Variants in CAPN5 observed in about 807,000 individuals in gnomAD.
The protein encoded by CAPN5 is calpain-5.
In CAPN5, 54 loss-of-function variants were observed where a neutral mutation model predicts 73.0. The ratio of observed to expected loss-of-function variants is 0.74; its 90% CI spans 0.59 to 0.93. The LOEUF is 0.93. Among genes scored for constraint, CAPN5 ranks in the 40% least tolerant of loss-of-function variants. The probability of loss-of-function intolerance (pLI) is 0.00; values close to 1 mark genes in which losing one functional copy is unlikely to be tolerated. For synonymous variants in CAPN5, 335 were observed against 356.9 expected (o/e 0.94, Z 0.69); for missense variants, 785 against 882.9 (o/e 0.89, Z 1.41).
chr11:77,103,596 G>A (rs1950312851), intron 3 of CAPN5, among the ~76,000 whole-genome samples: 1 of 152,146 alleles, frequency 6.6e-6, no homozygotes, highest in Non-Finnish European at 1.5e-5. Context: ...GCCTACTAGG[G>A]GCCAGTGTGC....
At chr11:77,092,247 A>G (rs1284118055) in intron 2 of CAPN5, among the ~76,000 whole-genome samples, 3 of 152,194 alleles carry the variant, frequency 2.0e-5, no homozygotes, top group Non-Finnish European at 4.4e-5. Flanking sequence ...AAAAACCCCA[A>G]AATCCAACAA....
intron 1 of CAPN5, among the ~76,000 whole-genome samples, chr11:77,069,443 G>A (rs1321182346): frequency 6.6e-6 from 1 of 152,158 alleles, no homozygotes; most frequent in East Asian, 1.9e-4. Flanking sequence ...CTTGGCTTTA[G>A]TGGGTGAAGG....
intron 3 of CAPN5, among the ~76,000 whole-genome samples, chr11:77,100,597 G>A (rs782102119): frequency 2.0e-5 from 3 of 152,086 alleles, no homozygotes; most frequent in Non-Finnish European, 2.9e-5. Flanking sequence ...AGAAATAGGG[G>A]ATCCTCCTTC....
intron 1 of CAPN5, among the ~76,000 whole-genome samples, chr11:77,076,319 C>T (rs1249112896): frequency 3.3e-5 from 5 of 152,180 alleles, no homozygotes; most frequent in South Asian, 2.1e-4. Flanking sequence ...CACGCTACTG[C>T]GCTCCAGCCT....
At chr11:77,103,814 C>A (rs114927569) in intron 3 of CAPN5, among the ~76,000 whole-genome samples, 2 of 152,218 alleles carry the variant, frequency 1.3e-5, no homozygotes, top group Non-Finnish European at 2.9e-5. Flanking sequence ...TGCCCTTTGC[C>A]GGAGCCTGTG....
chr11:77,122,720 C>T lies in CAPN5; in HGVS notation c.1740+8C>T, dbSNP rs1555043129. ...CAGCCCATCACTGTACAGGTGAGCC[C>T]CCTGGTCCAGAGGCCACCTCCTGGG... On this transcript the variant is annotated splice_region_variant and intron_variant, in intron 12 of 12. Coordinates refer to ENST00000648180, the MANE Select transcript of CAPN5 (RefSeq NM_004055.5). 1 of 1,612,942 alleles carries T rather than the reference C, an allele frequency of 6.2e-7. No homozygotes were observed. Among genetic ancestry groups the T allele is most frequent in the African/African-American group, 1.3e-5 (1 of 75,018 alleles).
intron 3 of CAPN5, among the ~76,000 whole-genome samples, chr11:77,107,133 C>A (rs1397620501): frequency 1.3e-5 from 2 of 152,204 alleles, no homozygotes; most frequent in Non-Finnish European, 2.9e-5. Flanking sequence ...CCCAAGAAGG[C>A]AGGGGGTGCC....
chr11:77,107,336 C>T (rs1441610640), intron 3 of CAPN5, among the ~76,000 whole-genome samples: 1 of 152,206 alleles, frequency 6.6e-6, no homozygotes, highest in Non-Finnish European at 1.5e-5. Context: ...AGCCCCCATT[C>T]CACAGCCCTG....
chr11:77,102,942 C>T lies in CAPN5; in HGVS notation c.297+9129C>T, dbSNP rs781798033. 3.1e-5 allele frequency: 50 copies of T among 1,612,964 alleles called. No homozygotes were observed. In the African/African-American group the frequency reaches 3.6e-4, roughly 12 times the overall value. The stretch of plus-strand genomic sequence containing the variant: ...GCTACGCGTGGAGAGCCTGAAGCAG[C>T]GCGGGGAGAAGCGCCAGGATGGGGA... On this transcript the variant is annotated intron_variant, in intron 3 of 12. Transcript: ENST00000648180.
At chr11:77,093,537 C>G in intron 2 of CAPN5, 145 bp from the exon 3 acceptor site, 2 of 1,328,580 alleles carry the variant, frequency 1.5e-6, no homozygotes, top group Non-Finnish European at 2.0e-6. Context: ...GGCCCCAAGT[C>G]TGTGGTGGGA....
intron 4 of CAPN5, 121 bp downstream of exon 4, chr11:77,112,918 C>T (rs1186426102): frequency 3.2e-6 from 3 of 944,016 alleles, no homozygotes; most frequent in Non-Finnish European, 4.9e-6. Flanking sequence ...CTGGTGCAGG[C>T]ACGCAGCAGG....
At chr11:77,122,527 C>G in intron 11 of CAPN5, 49 bp from the exon 12 acceptor site, 3 of 1,411,346 alleles carry the variant, frequency 2.1e-6, no homozygotes, top group Non-Finnish European at 2.9e-6. Flanking sequence ...GTGGCCCTGC[C>G]ACAGCCCCCA....
intron 9 of CAPN5, 154 bp from the exon 10 acceptor site, chr11:77,120,559 C>T (rs1950511302): frequency 7.1e-6 from 4 of 563,734 alleles, no homozygotes; most frequent in East Asian, 5.8e-5. Context: ...TGGGCAAACA[C>T]GAATCCGCTT....
chr11:77,114,499 C>A, intron 5 of CAPN5, 65 bp downstream of exon 5: 1 of 1,405,554 alleles, frequency 7.1e-7, no homozygotes, highest in Non-Finnish European at 1.0e-6. Flanking sequence ...AGATGGGAGA[C>A]AACTGTGACA....
intron 12 of CAPN5, 53 bp from the exon 13 acceptor site, chr11:77,123,635 T>C (rs1555043283): frequency 4.1e-6 from 6 of 1,459,638 alleles, no homozygotes; most frequent in East Asian, 2.3e-5. Flanking sequence ...TAGACCTATA[T>C]TGCTGGTCTT....
At chr11:77,095,669 A>G (rs1950201464) in intron 3 of CAPN5, among the ~76,000 whole-genome samples, 1 of 152,148 alleles carries the variant, frequency 6.6e-6, no homozygotes, top group African/African-American at 2.4e-5. Flanking sequence ...TCCCCAGGAG[A>G]GGCCATCTGT....
intron 12 of CAPN5, 136 bp from the exon 13 acceptor site, chr11:77,123,552 A>C: frequency 1.4e-6 from 1 of 723,726 alleles, no homozygotes; most frequent in Non-Finnish European, 2.3e-6. Flanking sequence ...ATGGGGAGGC[A>C]GACAGCCCAG....
At chr11:77,070,410 C>T (rs77110179) in intron 1 of CAPN5, among the ~76,000 whole-genome samples, 6,539 of 152,318 alleles carry the variant, frequency 0.043, 487 homozygotes, top group African/African-American at 0.15. Context: ...GTGCCCCCTG[C>T]TGCTGTGTAA....
At chr11:77,084,446 G>A (rs1387554764) in intron 1 of CAPN5, among the ~76,000 whole-genome samples, 2 of 152,182 alleles carry the variant, frequency 1.3e-5, no homozygotes, top group Non-Finnish European at 2.9e-5. Flanking sequence ...TCTAGAGGTG[G>A]GGAGGGAAAC....
Sources: allele counts gnomAD v4.1 joint callset (sites outside exome capture counted in the v4.1 genomes callset), GRCh38; gene constraint gnomAD v4.1.1; transcripts MANE v1.5; gene names NCBI Gene and HGNC (gene_info 2026-07-23, HGNC 2026-07-21).